The following NCLN variants were observed in gnomAD, a reference collection of about 807,000 sequenced individuals.
NCLN encodes BOS complex subunit NCLN.
Under a neutral mutation model 69.5 loss-of-function variants are expected in NCLN, and 34 were observed. The ratio of observed to expected loss-of-function variants is 0.49; its 90% CI spans 0.37 to 0.65. The LOEUF is 0.65. Ranked by LOEUF, NCLN falls within the 30% of genes least tolerant of loss-of-function variation. The pLI, the probability that NCLN is intolerant of heterozygous loss-of-function variation, is 0.00. For missense variants in NCLN, 710 were observed against 804.8 expected, an observed-to-expected ratio of 0.88 and a Z score of 1.42; for synonymous variants, 393 against 358.3, an observed-to-expected ratio of 1.10 and a Z score of -1.09.
intron 3 of NCLN, among the ~76,000 whole-genome samples, chr19:3,194,744 C>CTTTTTT (rs745406038): frequency 8.8e-5 from 12 of 136,486 alleles, no homozygotes; most frequent in Non-Finnish European, 9.4e-5. Context: ...GAGTCGTCTT[C>CTTTTTT]TTTTTTTTTT....
chr19:3,191,259 A>G (rs974994570), intron 1 of NCLN, among the ~76,000 whole-genome samples: 1 of 152,128 alleles, frequency 6.6e-6, no homozygotes, highest in Non-Finnish European at 1.5e-5. Flanking sequence ...AGGGAAGAGC[A>G]GTCCCAGGAA....
intron 4 of NCLN, among the ~76,000 whole-genome samples, chr19:3,197,898 G>C (rs1916009966): frequency 6.6e-6 from 1 of 152,234 alleles, no homozygotes. Context: ...TGGGATTACA[G>C]GCGTGAGCCA....
At chr19:3,189,471 C>T (rs1221615583) in intron 1 of NCLN, among the ~76,000 whole-genome samples, 1 of 152,216 alleles carries the variant, frequency 6.6e-6, no homozygotes. Flanking sequence ...CAGCTGAGCC[C>T]AGTGATTGTG....
At chr19:3,207,575 G>C in intron 14 of NCLN, 54 bp from the exon 15 acceptor site, 1 of 1,609,676 alleles carries the variant, frequency 6.2e-7, no homozygotes, top group African/African-American at 1.3e-5. Context: ...AGAGTCACAT[G>C]ACCTGGGGCT....
At chr19:3,189,983 C>T (rs527254216) in intron 1 of NCLN, among the ~76,000 whole-genome samples, 164 of 152,358 alleles carry the variant, frequency 1.1e-3, no homozygotes, top group African/African-American at 3.7e-3. Context: ...GCTGCTGCTC[C>T]TTCCCTTCTC....
At position 3,192,532 on chromosome 19, in the gene NCLN, C is replaced by A. The variant is rs772243924; in HGVS notation, c.247C>A (p.Arg83Ser). 1 of 1,609,220 alleles carries A rather than the reference C, an allele frequency of 6.2e-7. No homozygotes were observed. Among genetic ancestry groups the A allele is most frequent in the Non-Finnish European group, 8.5e-7 (1 of 1,178,628 alleles). The change falls in exon 2 of 15, where the codon CGC (arginine) becomes AGC (serine). Residue 83 changes from arginine (R) to serine (S), a missense_variant. Arg to Ser is a moderately radical substitution (Grantham distance 110). Transcript: ENST00000246117. ...RTMAAEVLSRRCVLMRLLDFS... is the reference protein window; with the variant it reads ...RTMAAEVLSRSCVLMRLLDFS... ...GATGGCGGCGGAGGTGCTGAGCCGC[C>A]GCTGCGTGCTCATGCGGCTACTGGA...
At chr19:3,192,903 T>TC (rs1473673135) in intron 2 of NCLN, among the ~76,000 whole-genome samples, 1 of 152,076 alleles carries the variant, frequency 6.6e-6, no homozygotes, top group South Asian at 2.1e-4. Flanking sequence ...GGGATACTGC[T>TC]CAGCACCCTG....
rs977346424 is a variant in NCLN at position 3,209,408 on chromosome 19, A to G, written c.*1720A>G. ...TTTGGGGAGTGCTTGCATGCTAGCC[A>G]GCAGGCTCCTGTCTGGGTGCCACGG... On this transcript the variant is annotated 3_prime_UTR_variant, in exon 15 of 15. Transcript: ENST00000246117. 18 of 152,316 alleles carry G rather than the reference A, an allele frequency of 1.2e-4. No homozygotes were observed. Among genetic ancestry groups the G allele is most frequent in the African/African-American group, 4.3e-4 (18 of 41,470 alleles). The allele number at this position is 152,316 out of a possible 1,614,324, so 9.4% of individuals were successfully genotyped here. A position where few individuals can be genotyped will look rare whatever the true frequency, so the allele number is the denominator to read the frequency against.
intron 2 of NCLN, among the ~76,000 whole-genome samples, 157 bp downstream of exon 2, chr19:3,192,817 T>C (rs112185953): frequency 0.023 from 3,523 of 152,290 alleles, 140 homozygotes; most frequent in African/African-American, 0.08. Flanking sequence ...GGGGTGATTC[T>C]GTCTTCAGAG....
In NCLN at chr19:3,192,653, T is replaced by C. The variant is rs1404783391; in HGVS notation, c.368T>C (p.Val123Ala). ...GCCATGGCCGCCGTGCCCCAGGACG[T>C]CGTCCGGGTGAGCGTCTGCCCTGCC... is the stretch of plus-strand genomic sequence containing the variant. The part of the protein sequence containing the change: ...PRAMAAVPQD[V>A]VRQFMEIEPE... The change falls in exon 2 of 15, where the codon GTC (valine) becomes GCC (alanine). Residue 123 changes from valine to alanine, a missense_variant. By Grantham distance (64) the Val-to-Ala change is moderately conservative. Transcript: ENST00000246117. 2 of 1,556,904 alleles carry C rather than the reference T, an allele frequency of 1.3e-6. No individual in the cohort carries two copies. Among genetic ancestry groups the C allele is most frequent in the African/African-American group, 2.8e-5 (2 of 72,164 alleles).
Position 3,207,945 on chromosome 19 carries a change from C to G in NCLN, c.*257C>G, listed in dbSNP as rs566778502. 1 of 505,070 alleles carries G rather than the reference C, an allele frequency of 2.0e-6. No individual in the cohort carries two copies. Among genetic ancestry groups the G allele is most frequent in the African/African-American group, 1.9e-5 (1 of 51,892 alleles). The allele number at this position is 505,070 out of a possible 1,614,324, so 31.3% of individuals were successfully genotyped here. On this transcript the variant is annotated 3_prime_UTR_variant, in exon 15 of 15. Coordinates refer to ENST00000246117, the MANE Select transcript of NCLN (RefSeq NM_020170.4). ...AGACGTCCCGGGGCCAGGCTACGGACTTGCGGACGAGCCCCCCAGTCCTGG... is the reference window on the plus strand; with the variant it reads ...AGACGTCCCGGGGCCAGGCTACGGAGTTGCGGACGAGCCCCCCAGTCCTGG...
intron 5 of NCLN, among the ~76,000 whole-genome samples, chr19:3,199,689 CTTTTTTTTTT>C (rs71164662): frequency 4.3e-5 from 3 of 69,542 alleles, no homozygotes; most frequent in Admixed American, 3.3e-4. Flanking sequence ...CTGCCTCCTC[CTTTTTTTTTT>C]TTTTTTTTTT....
At chr19:3,198,552 C>T (rs986879051) in intron 4 of NCLN, among the ~76,000 whole-genome samples, 5 of 151,822 alleles carry the variant, frequency 3.3e-5, no homozygotes, top group Admixed American at 2.6e-4. Context: ...ACTTATTCTC[C>T]TGCTCTCCCC....
chr19:3,192,616 A>G lies in NCLN; in HGVS notation c.331A>G (p.Ile111Val). 6.2e-7 allele frequency: 1 copy of G among 1,600,626 alleles called. No individual in the cohort carries two copies. Among genetic ancestry groups the G allele is most frequent in the South Asian group, 1.1e-5 (1 of 90,174 alleles). Reference sequence around the variant, plus strand: ...GCAGTCGGCGGGCGCCGTGGTCATCATCCTGCCCAGGGCCATGGCCGCCGT... The same window carrying G: ...GCAGTCGGCGGGCGCCGTGGTCATCGTCCTGCCCAGGGCCATGGCCGCCGT... ...LRQSAGAVVI[I>V]LPRAMAAVPQ... is the part of the protein sequence containing the mutation. Residue 111 changes from isoleucine (I) to valine (V), a missense_variant, in exon 2 of 15, where the codon ATC becomes GTC. By Grantham distance (29) the Ile-to-Val change is conservative (BLOSUM62 3). Transcript: ENST00000246117.
Position 3,208,438 on chromosome 19 carries a change from CCTCTT to C in NCLN, c.*754_*758del, listed in dbSNP as rs1458976994. 1.3e-5 allele frequency: 2 copies of C among 152,654 alleles called. No individual in the cohort carries two copies. Among genetic ancestry groups the C allele is most frequent in the African/African-American group, 4.8e-5 (2 of 41,478 alleles). The allele number at this position is 152,654 out of a possible 1,614,324, so 9.5% of individuals were successfully genotyped here. Reference sequence around the variant, plus strand: ...CTGCAAATCCCCGTTCCCCTGCACTCCTCTTCTCCCAGCCCATCCCTCCGGCCCCT... The same window carrying C: ...CTGCAAATCCCCGTTCCCCTGCACTCCTCCCAGCCCATCCCTCCGGCCCCT... On this transcript the variant is annotated 3_prime_UTR_variant, in exon 15 of 15. Coordinates refer to ENST00000246117, the MANE Select transcript of NCLN (RefSeq NM_020170.4).
intron 1 of NCLN, among the ~76,000 whole-genome samples, chr19:3,186,527 C>T (rs1462802144): frequency 2.0e-5 from 3 of 152,188 alleles, no homozygotes; most frequent in East Asian, 1.9e-4. Flanking sequence ...CTCTCCTGTC[C>T]CCAGCTGGGC....
intron 5 of NCLN, among the ~76,000 whole-genome samples, chr19:3,199,739 C>G (rs1004809996): frequency 1.5e-5 from 2 of 131,280 alleles, no homozygotes; most frequent in African/African-American, 6.0e-5. Context: ...CTTGCTCTGT[C>G]CCCCAGGCTG....
rs748872728 is a variant in NCLN at position 3,196,192 on chromosome 19, G to A, written c.530G>A (p.Arg177His). 20 of 1,552,200 alleles carry A rather than the reference G, an allele frequency of 1.3e-5. No individual in the cohort carries two copies. The highest frequency in any genetic ancestry group is 7.8e-5 in the Admixed American group (4 of 51,244). Residue 177 changes from arginine to histidine, a missense_variant, in exon 4 of 15, where the codon CGC (arginine) becomes CAC (histidine). Physicochemically the swap from Arg to His is conservative, Grantham distance 29. Coordinates refer to ENST00000246117, the MANE Select transcript of NCLN (RefSeq NM_020170.4). ...GSASAAEVLL[R>H]TATANGFQMV... The stretch of plus-strand genomic sequence containing the variant: ...CTCTCCCTCTCCCTAGTACTGCTGC[G>A]CACGGCCACTGCCAACGGCTTCCAG...
intron 1 of NCLN, among the ~76,000 whole-genome samples, chr19:3,191,962 G>A (rs995413682): frequency 6.6e-6 from 1 of 152,156 alleles, no homozygotes; most frequent in Non-Finnish European, 1.5e-5. Context: ...GCCAAGGTGC[G>A]AGTATCACCT....
Sources: allele counts gnomAD v4.1 joint callset (sites outside exome capture counted in the v4.1 genomes callset), GRCh38; gene constraint gnomAD v4.1.1; transcripts MANE v1.5; gene names NCBI Gene and HGNC (gene_info 2026-07-23, HGNC 2026-07-21).